AK9: variants seen among roughly 807,000 people sequenced by gnomAD.
The protein encoded by AK9 is adenylate kinase domain containing 1.
In AK9, 191 loss-of-function variants were observed where a neutral mutation model predicts 239.6. The observed-to-expected ratio is 0.80, with a 90% CI of 0.71 to 0.90. The LOEUF (loss-of-function observed/expected upper bound fraction) is 0.90. AK9 is among the 40% of genes least tolerant of loss of function. The pLI, the probability that AK9 is intolerant of heterozygous loss-of-function variation, is 0.00. For synonymous variants in AK9, 689 were observed against 721.0 expected (o/e 0.96, Z 0.71); for missense variants, 1,995 against 2,214.7 (o/e 0.90, Z 1.99).
At chr6:109,510,218 C>A (rs1778572024) in intron 32 of AK9, among the ~76,000 whole-genome samples, 1 of 152,028 alleles carries the variant, frequency 6.6e-6, no homozygotes, top group Admixed American at 6.5e-5. Flanking sequence ...CACTTCCTCC[C>A]CTCTGAGGTC....
chr6:109,500,061 A>ACACT (rs1276209306), intron 35 of AK9, among the ~76,000 whole-genome samples: 6 of 151,720 alleles, frequency 4.0e-5, no homozygotes, highest in African/African-American at 1.5e-4. Context: ...ACACACACAC[A>ACACT]CACACACACA....
At chr6:109,689,116 T>C (rs1436219488) in intron 1 of AK9, among the ~76,000 whole-genome samples, 3 of 152,152 alleles carry the variant, frequency 2.0e-5, no homozygotes, top group African/African-American at 7.2e-5. Context: ...AGAATGATGT[T>C]AGAGGAAGGA....
At chr6:109,502,564 CTG>C (rs1356575829) in intron 35 of AK9, among the ~76,000 whole-genome samples, 3 of 152,230 alleles carry the variant, frequency 2.0e-5, no homozygotes, top group Admixed American at 6.5e-5. Context: ...GCCACCAAAA[CTG>C]TGACACAATA....
At chr6:109,495,462 G>A in intron 38 of AK9, 22 bp from the exon 39 acceptor site, 1 of 1,556,512 alleles carries the variant, frequency 6.4e-7, no homozygotes, top group South Asian at 1.1e-5. Context: ...AAGTTCATTA[G>A]ATGGATGCTC....
At chr6:109,509,453 T>C in intron 32 of AK9, 73 bp from the exon 33 acceptor site, 1 of 1,316,940 alleles carries the variant, frequency 7.6e-7, no homozygotes, top group Non-Finnish European at 1.0e-6. Context: ...TTTTGTTACA[T>C]GGGTATATTG....
chr6:109,576,273 T>C (rs1190648056), intron 20 of AK9, among the ~76,000 whole-genome samples: 1 of 152,094 alleles, frequency 6.6e-6, no homozygotes, highest in African/African-American at 2.4e-5. Context: ...TATGGTTATT[T>C]TCACATGCTC....
rs573553096 is a variant in AK9 at position 109,607,940 on chromosome 6, G to A, written c.1842+2425C>T. Among the ~76,000 whole-genome samples the A allele has an allele frequency of 6.6e-5, 10 of 152,008 alleles. No homozygotes were observed. The South Asian group carries it at 2.1e-3, about 32-fold the overall frequency. The stretch of plus-strand genomic sequence containing the variant: ...AGGACGCAATGACAGGAGAAATAGG[G>A]TGCTGAAGGATTCACCCTCTCAGAT... On this transcript the variant is annotated intron_variant, in intron 17 of 40. Coordinates refer to ENST00000424296, the MANE Select transcript of AK9 (RefSeq NM_001145128.3).
intron 17 of AK9, among the ~76,000 whole-genome samples, chr6:109,586,704 G>A (rs1789547815): frequency 6.6e-6 from 1 of 152,236 alleles, no homozygotes; most frequent in South Asian, 2.1e-4. Flanking sequence ...GATGGCAGTA[G>A]GAAGCATGGA....
At chr6:109,633,965 T>C (rs940406632) in intron 10 of AK9, among the ~76,000 whole-genome samples, 1 of 152,154 alleles carries the variant, frequency 6.6e-6, no homozygotes, top group Non-Finnish European at 1.5e-5. Context: ...TACTTAACCA[T>C]ATGATAGAAA....
At chr6:109,592,166 T>C (rs1349895044) in intron 17 of AK9, among the ~76,000 whole-genome samples, 2 of 152,190 alleles carry the variant, frequency 1.3e-5, no homozygotes, top group African/African-American at 4.8e-5. Flanking sequence ...TACTATATTT[T>C]GTAAATGGAA....
In AK9 at chr6:109,495,436, G is replaced by A. The variant is rs1378435541; in HGVS notation, c.5320C>T (p.Pro1774Ser). 1 of 1,612,100 alleles carries A rather than the reference G, an allele frequency of 6.2e-7. No homozygotes were observed. The highest frequency in any genetic ancestry group is 2.2e-5 in the East Asian group (1 of 44,854). Residue 1774 changes from proline to serine, a missense_variant, in exon 39 of 41, where the codon CCA becomes TCA. Transcript: ENST00000424296. The stretch of plus-strand genomic sequence containing the variant: ...AGCTTCTGTTCCCAGTATTTCAGTG[G>A]CGACCTAAGAACACAAAGTTCATTA... ...KEKLQKFLRS[P>S]LKYWEQKLPH... is the part of the protein sequence containing the mutation.
chr6:109,595,139 C>T (rs748204881), intron 17 of AK9, among the ~76,000 whole-genome samples: 14 of 152,126 alleles, frequency 9.2e-5, no homozygotes, highest in Non-Finnish European at 1.6e-4. Context: ...CCAGAATCTA[C>T]AAGAAACTTA....
In AK9 at chr6:109,662,610, G is replaced by C; in HGVS notation, c.385C>G (p.Gln129Glu). 1 of 1,587,296 alleles carries C rather than the reference G, an allele frequency of 6.3e-7. No homozygotes were observed. The highest frequency in any genetic ancestry group is 8.6e-7 in the Non-Finnish European group (1 of 1,166,050). Residue 129 changes from glutamine to glutamate, a missense_variant, in exon 6 of 41, where the codon CAG (glutamine) becomes GAG (glutamate). Transcript: ENST00000424296. ...SLSQDAMTTL[Q>E]QIELIKNLNL... ...AAGTTTTTAATTAATTCTATTTGCTGTAAGGTAGTCATGGCATCCTGTGAA... is the reference window on the plus strand; with the variant it reads ...AAGTTTTTAATTAATTCTATTTGCTCTAAGGTAGTCATGGCATCCTGTGAA...
In AK9 at chr6:109,493,980, C is replaced by T; in HGVS notation, c.5533+1G>A. On this transcript the variant is annotated splice_donor_variant, in intron 40 of 40. Transcript: ENST00000424296. LOFTEE classifies it high-confidence loss of function. ...GTAGTAAATAATTAAAAAAGACATACCTTTGAGATGAAGTGCTATATATAG... is the reference window on the plus strand; with the variant it reads ...GTAGTAAATAATTAAAAAAGACATATCTTTGAGATGAAGTGCTATATATAG... The T allele has an allele frequency of 2.5e-6, 4 of 1,584,366 alleles. No homozygotes were observed. The highest frequency in any genetic ancestry group is 2.3e-5 in the South Asian group (2 of 88,248).
chr6:109,634,988 T>C (rs1474739744), intron 10 of AK9, among the ~76,000 whole-genome samples: 2 of 152,198 alleles, frequency 1.3e-5, no homozygotes, highest in Non-Finnish European at 2.9e-5. Flanking sequence ...AGATGAGCTT[T>C]TGAATGAATT....
At chr6:109,505,726 T>C (rs1050726467) in intron 35 of AK9, among the ~76,000 whole-genome samples, 27 of 152,208 alleles carry the variant, frequency 1.8e-4, no homozygotes, top group African/African-American at 6.5e-4. Flanking sequence ...TATTTTTATG[T>C]CCTAAATTCA....
At chr6:109,551,164 AG>A (rs999180224) in intron 24 of AK9, among the ~76,000 whole-genome samples, 1 of 152,212 alleles carries the variant, frequency 6.6e-6, no homozygotes, top group African/African-American at 2.4e-5. Flanking sequence ...CTTTCTATAA[AG>A]GTGCAAAAAT....
intron 8 of AK9, among the ~76,000 whole-genome samples, chr6:109,651,229 A>T (rs1798891385): frequency 6.6e-6 from 1 of 152,088 alleles, no homozygotes; most frequent in African/African-American, 2.4e-5. Context: ...CTTAAAGAAT[A>T]ATAATAATAC....
At chr6:109,620,650 C>A (rs1400255812) in intron 12 of AK9, among the ~76,000 whole-genome samples, 2 of 151,886 alleles carry the variant, frequency 1.3e-5, no homozygotes, top group East Asian at 3.9e-4. Flanking sequence ...TTATTCCATG[C>A]CAATAAATCT....
Sources: gnomAD v4.1 joint callset for allele counts (sites outside exome capture counted in the v4.1 genomes callset) on GRCh38, gnomAD v4.1.1 for gene constraint, MANE v1.5 for transcripts, NCBI Gene and HGNC (gene_info 2026-07-23, HGNC 2026-07-21) for gene names.